GTF3C2: variants seen among roughly 807,000 people sequenced by gnomAD.
GTF3C2 encodes the protein general transcription factor 3C polypeptide 2.
GTF3C2 carries 17 observed loss-of-function variants against 117.4 expected under a neutral mutation model. The observed-to-expected ratio is 0.14, with a 90% CI of 0.10 to 0.22. The LOEUF is 0.22. GTF3C2 is among the 10% of genes least tolerant of loss of function. GTF3C2 has a pLI of 1.00. For missense variants in GTF3C2, 888 were observed against 1,143.6 expected, an observed-to-expected ratio of 0.78 and a Z score of 3.22; for synonymous variants, 437 against 427.0, an observed-to-expected ratio of 1.02 and a Z score of -0.29.
rs144256545 is a variant in GTF3C2, at chr2:27,346,330, C to CTTTTT, written c.-24-2757_-24-2753dup. ...TTAGCCACCGTGCCCATTCTGATAC[C>CTTTTT]TTTTTTTTTTTTTTTTTTTTTTTTT... On this transcript the variant is annotated intron_variant, in intron 1 of 18. Transcript: ENST00000264720. Among the ~76,000 whole-genome samples the CTTTTT allele has an allele frequency of 1.2e-4, 8 of 64,302 alleles. 1 individual carries two copies. The highest frequency in any genetic ancestry group is 3.0e-4 in the African/African-American group (5 of 16,768). The allele number at this position is 64,302 out of a possible 152,430, so 42.2% of individuals were successfully genotyped here. A position where few individuals can be genotyped will look rare whatever the true frequency, so the allele number is the denominator to read the frequency against.
At chr2:27,341,059 G>A (rs749207914) in intron 4 of GTF3C2, among the ~76,000 whole-genome samples, 1 of 150,790 alleles carries the variant, frequency 6.6e-6, no homozygotes, top group Non-Finnish European at 1.5e-5. Flanking sequence ...TTTTTGAGAT[G>A]GAGTCTCACT....
At chr2:27,335,292 C>G in intron 10 of GTF3C2, 1 of 534,456 alleles carries the variant, frequency 1.9e-6, no homozygotes, top group South Asian at 1.5e-5. Flanking sequence ...ATCTATCAGC[C>G]CAAGCCCTCA....
chr2:27,331,474 C>T lies in GTF3C2; in HGVS notation c.1733-1951G>A, dbSNP rs112770785. 6.6e-3 allele frequency among the ~76,000 whole-genome samples: 1,002 copies of T among 152,104 alleles called. 5 individuals carry two copies. The highest frequency in any genetic ancestry group is 0.023 in the African/African-American group (952 of 41,514). On this transcript the variant is annotated intron_variant, in intron 12 of 18. Coordinates refer to ENST00000264720, the Ensembl canonical transcript of GTF3C2. ...CTGAGTAGCTGGGACTACAGGCACG[C>T]GCCATCCTGCCCAGCTAATTTTTGT...
intron 4 of GTF3C2, among the ~76,000 whole-genome samples, chr2:27,341,033 GTTT>G (rs887105584): frequency 6.6e-6 from 1 of 151,760 alleles, no homozygotes; most frequent in African/African-American, 2.4e-5. Flanking sequence ...TGTGTGTTTT[GTTT>G]TGTTTTGTTT....
At chr2:27,331,840 GA>G (rs1490828283) in intron 12 of GTF3C2, among the ~76,000 whole-genome samples, 6 of 152,130 alleles carry the variant, frequency 3.9e-5, no homozygotes, top group African/African-American at 1.4e-4. Flanking sequence ...TCCAGAGGCT[GA>G]GGCTGGGGCA....
rs781284698 is a variant in GTF3C2 at position 27,333,630 on chromosome 2, TTATG to T, written c.1732+21_1732+24del. ...AAAAAATTTAAAGAGCAATAGTTCC[TTATG>T]TTTTATTTTGGTTTTTTTACCATTA... On this transcript the variant is annotated intron_variant, in intron 12 of 18. Coordinates refer to ENST00000264720, the Ensembl canonical transcript of GTF3C2. The T allele has an allele frequency of 2.6e-6, 4 of 1,554,894 alleles. No homozygotes were observed. In the East Asian group the frequency reaches 9.0e-5, roughly 35 times the overall value.
chr2:27,327,372 G>A, intron 17 of GTF3C2, 88 bp from the exon 18 acceptor site: 1 of 644,142 alleles, frequency 1.6e-6, no homozygotes, highest in Non-Finnish European at 2.7e-6. Context: ...ACCCAGGCTG[G>A]AGTGCAGTGG....
chr2:27,352,484 C>G (rs1314338105), intron 1 of GTF3C2, among the ~76,000 whole-genome samples: 1 of 152,166 alleles, frequency 6.6e-6, no homozygotes, highest in Non-Finnish European at 1.5e-5. Flanking sequence ...GTTCTAGCCC[C>G]ATTCCCCCAT....
At chr2:27,333,892 A>G (rs754732484) in intron 11 of GTF3C2, 82 bp downstream of exon 11, 154 of 1,457,628 alleles carry the variant, frequency 1.1e-4, no homozygotes, top group Non-Finnish European at 1.4e-4. Context: ...TTTCAGAAGT[A>G]TAAGGAGACT....
intron 12 of GTF3C2, among the ~76,000 whole-genome samples, chr2:27,331,992 C>T (rs1680286370): frequency 2.0e-5 from 3 of 152,074 alleles, no homozygotes; most frequent in African/African-American, 7.2e-5. Context: ...TTATTTGTAA[C>T]TTATTTATAG....
intron 1 of GTF3C2, among the ~76,000 whole-genome samples, chr2:27,348,616 C>A (rs1490931037): frequency 2.0e-5 from 3 of 151,650 alleles, no homozygotes; most frequent in African/African-American, 7.3e-5. Flanking sequence ...CCAGCCTGGC[C>A]AACATAGCGA....
chr2:27,352,051 T>C (rs949514332), intron 1 of GTF3C2, among the ~76,000 whole-genome samples: 16 of 152,310 alleles, frequency 1.1e-4, no homozygotes, highest in Admixed American at 3.3e-4. Context: ...GCTTACCCAC[T>C]ATCACTTTTA....
chr2:27,355,208 C>T (rs956027477), intron 1 of GTF3C2, among the ~76,000 whole-genome samples: 1 of 152,154 alleles, frequency 6.6e-6, no homozygotes, highest in African/African-American at 2.4e-5. Context: ...ATCCATATGA[C>T]TTTTATGAAT....
chr2:27,342,873 G>A (rs974684218), exon 3 of GTF3C2: 5 of 1,614,014 alleles, frequency 3.1e-6, no homozygotes, highest in Middle Eastern at 1.6e-4. Flanking sequence ...GGGTCTCAAA[G>A]TCCTCAGGGG....
At chr2:27,326,709 G>C in exon 19 of GTF3C2, 1 of 1,614,122 alleles carries the variant, frequency 6.2e-7, no homozygotes, top group Middle Eastern at 1.6e-4. Context: ...GCTGGTTGGA[G>C]AGAAGCCAGG....
chr2:27,343,072 C>A, exon 3 of GTF3C2: 1 of 1,613,542 alleles, frequency 6.2e-7, no homozygotes, highest in Middle Eastern at 1.7e-4. Context: ...GGGGCCTTTT[C>A]GTGTCCTACC....
At position 27,337,468 on chromosome 2, in the gene GTF3C2, T is replaced by G. The variant is rs374296895; in HGVS notation, c.1028+13A>C. 51 of 1,579,910 alleles carry G rather than the reference T, an allele frequency of 3.2e-5. No individual in the cohort carries two copies. The African/African-American group carries it at 6.0e-4, about 19-fold the overall frequency. On this transcript the variant is annotated intron_variant, in intron 6 of 18. Transcript: ENST00000264720. ...CACCCTTCCTAAGCTACAGAGATGT[T>G]GCTTCAACTTACAGCTCAGATAACA... is the stretch of plus-strand genomic sequence containing the variant.
exon 19 of GTF3C2, chr2:27,326,615 G>T: frequency 7.9e-7 from 1 of 1,267,040 alleles, no homozygotes. Flanking sequence ...CTATGGCTCT[G>T]TGCATAGGGG....
intron 1 of GTF3C2, among the ~76,000 whole-genome samples, chr2:27,353,996 T>C (rs1435087370): frequency 1.3e-5 from 2 of 148,916 alleles, no homozygotes; most frequent in African/African-American, 5.0e-5. Flanking sequence ...GTGCTAGGAT[T>C]ACAGGTTTGA....
Sources: allele counts gnomAD v4.1 joint callset (sites outside exome capture counted in the v4.1 genomes callset), GRCh38; gene constraint gnomAD v4.1.1; transcripts MANE v1.5; gene names NCBI Gene and HGNC (gene_info 2026-07-23, HGNC 2026-07-21).